Variants in DOCK7 observed in about 807,000 individuals in gnomAD.
DOCK7 encodes dedicator of cytokinesis 7, also known as dedicator of cytokinesis protein 7.
In DOCK7, 138 loss-of-function variants were observed where a neutral mutation model predicts 271.0. The ratio of observed to expected loss-of-function variants is 0.51; its 90% CI spans 0.44 to 0.59. The LOEUF is 0.59. Among genes scored for constraint, DOCK7 ranks in the 20% least tolerant of loss-of-function variants. The probability of loss-of-function intolerance (pLI) is 0.00; values close to 1 mark genes in which losing one functional copy is unlikely to be tolerated. For synonymous variants in DOCK7, 823 were observed against 876.1 expected, an observed-to-expected ratio of 0.94 and a Z score of 1.07; for missense variants, 2,066 against 2,592.4, an observed-to-expected ratio of 0.80 and a Z score of 4.41.
chr1:62,527,421 T>C (rs1302183031), intron 31 of DOCK7, among the ~76,000 whole-genome samples: 2 of 152,118 alleles, frequency 1.3e-5, no homozygotes, highest in African/African-American at 2.4e-5. Flanking sequence ...ACACGTATGT[T>C]TATTGTGGCA....
chr1:62,644,282 A>C (rs1278611733), intron 7 of DOCK7, among the ~76,000 whole-genome samples: 1 of 152,210 alleles, frequency 6.6e-6, no homozygotes, highest in Non-Finnish European at 1.5e-5. Context: ...TAAGCTTATG[A>C]CCTGGAATTC....
intron 14 of DOCK7, among the ~76,000 whole-genome samples, chr1:62,607,249 T>C (rs2149552736): frequency 6.6e-6 from 1 of 152,124 alleles, no homozygotes; most frequent in South Asian, 2.1e-4. Context: ...TGCTATCCCT[T>C]TCTACCCACC....
chr1:62,551,952 A>G (rs1417987759), intron 22 of DOCK7, among the ~76,000 whole-genome samples: 2 of 151,958 alleles, frequency 1.3e-5, no homozygotes, highest in Non-Finnish European at 2.9e-5. Flanking sequence ...AATTATGCTA[A>G]ATGAGTCTTA....
At position 62,673,634 on chromosome 1, in the gene DOCK7, A is replaced by G. The variant is rs148854507; in HGVS notation, c.39-10504T>C. The stretch of plus-strand genomic sequence containing the variant: ...CTTAAATTCCACCCTACTTCATTAT[A>G]AAAATAAACCCAGAGCTGCCTTACC... On this transcript the variant is annotated intron_variant, in intron 1 of 49. Coordinates refer to ENST00000635253, the MANE Select transcript of DOCK7 (RefSeq NM_001367561.1). 5.3e-3 allele frequency among the ~76,000 whole-genome samples: 809 copies of G among 152,316 alleles called. 11 individuals are homozygous for G. Among genetic ancestry groups the G allele is most frequent in the African/African-American group, 0.018 (763 of 41,564 alleles).
At chr1:62,551,838 A>G (rs1273370119) in intron 22 of DOCK7, among the ~76,000 whole-genome samples, 1 of 151,330 alleles carries the variant, frequency 6.6e-6, no homozygotes, top group East Asian at 1.9e-4. Context: ...TGATCCATTT[A>G]AAGTACATCT....
At chr1:62,663,566 A>C (rs1368856041) in intron 1 of DOCK7, among the ~76,000 whole-genome samples, 1 of 152,180 alleles carries the variant, frequency 6.6e-6, no homozygotes, top group African/African-American at 2.4e-5. Flanking sequence ...AAAACTCTAG[A>C]GTGTTTTCAA....
intron 14 of DOCK7, chr1:62,604,067 T>C: frequency 6.2e-7 from 1 of 1,613,260 alleles, no homozygotes; most frequent in Non-Finnish European, 8.5e-7. Flanking sequence ...CAACAAACAT[T>C]ATATTGAATA....
At chr1:62,589,001 C>T (rs1648018810) in intron 14 of DOCK7, among the ~76,000 whole-genome samples, 1 of 152,162 alleles carries the variant, frequency 6.6e-6, no homozygotes, top group South Asian at 2.1e-4. Flanking sequence ...CTTGGCCTCC[C>T]AAAATGCTGG....
chr1:62,595,300 T>C (rs1235374844), intron 14 of DOCK7, among the ~76,000 whole-genome samples: 1 of 152,214 alleles, frequency 6.6e-6, no homozygotes. Context: ...GGCTAATATA[T>C]AATACTGTGT....
intron 16 of DOCK7, among the ~76,000 whole-genome samples, chr1:62,580,522 T>G (rs1268425218): frequency 6.6e-6 from 1 of 152,224 alleles, no homozygotes. Context: ...TGGTATTCAG[T>G]GTTTTAGTTC....
intron 48 of DOCK7, among the ~76,000 whole-genome samples, chr1:62,464,281 G>A (rs968510603): frequency 3.3e-5 from 5 of 151,434 alleles, no homozygotes; most frequent in South Asian, 2.1e-4. Context: ...GGCTGGTCTC[G>A]AACTCCTGAC....
In DOCK7 at chr1:62,457,678, CTT is replaced by C. The variant is rs1313061482; in HGVS notation, c.6238_6239del (p.Lys2080GlufsTer22). ...CCTTTTGATCCGGCCCAATTAAGCT[CTT>C]ATTTTTTCTTAAGGCATCTTCACAC... is the stretch of plus-strand genomic sequence containing the variant. ...KRCEDALRKN[K>X]SLIGPDQKEY... On this transcript the variant is annotated frameshift_variant, in exon 49 of 50. Coordinates refer to ENST00000635253, the MANE Select transcript of DOCK7 (RefSeq NM_001367561.1). LOFTEE classifies it high-confidence loss of function. 6.2e-7 allele frequency: 1 copy of C among 1,613,212 alleles called. No homozygotes were observed. Among genetic ancestry groups the C allele is most frequent in the African/African-American group, 1.3e-5 (1 of 74,784 alleles).
intron 10 of DOCK7, 112 bp from the exon 11 acceptor site, chr1:62,631,517 T>A (rs1654626670): frequency 4.2e-6 from 4 of 963,234 alleles, no homozygotes; most frequent in African/African-American, 1.7e-5. Flanking sequence ...TCAGCAGAGA[T>A]GAGAAAAAAA....
At chr1:62,510,194 T>C (rs1279324357) in intron 34 of DOCK7, among the ~76,000 whole-genome samples, 2 of 152,184 alleles carry the variant, frequency 1.3e-5, no homozygotes, top group Non-Finnish European at 2.9e-5. Context: ...AAGACCTGTA[T>C]TGTTTTGTCT....
At chr1:62,538,194 G>C in intron 27 of DOCK7, 133 bp from the exon 28 acceptor site, 4 of 832,726 alleles carry the variant, frequency 4.8e-6, no homozygotes, top group Non-Finnish European at 7.0e-6. Context: ...TTAAGTAGCA[G>C]TATCACCTTT....
At chr1:62,619,077 C>T (rs902816985) in intron 13 of DOCK7, among the ~76,000 whole-genome samples, 3 of 150,152 alleles carry the variant, frequency 2.0e-5, no homozygotes. Flanking sequence ...CATAAATGCA[C>T]GTAAAATAAT....
intron 2 of DOCK7, among the ~76,000 whole-genome samples, chr1:62,655,063 C>A (rs1013787804): frequency 1.3e-5 from 2 of 152,188 alleles, no homozygotes; most frequent in East Asian, 1.9e-4. Flanking sequence ...TTGTTTTAAG[C>A]CACCCAGTTT....
At position 62,510,696 on chromosome 1, in the gene DOCK7, A is replaced by T. The variant is rs376851895; in HGVS notation, c.4283-23T>A. 6 of 1,573,770 alleles carry T rather than the reference A, an allele frequency of 3.8e-6. No individual in the cohort carries two copies. In the African/African-American group the frequency reaches 8.1e-5, roughly 21 times the overall value. ...TCTCTGTCAAATAAATTTCAAAACC[A>T]ATTTTCAAATGTTATTTCAGTTGGA... On this transcript the variant is annotated intron_variant, in intron 33 of 49. Transcript: ENST00000635253.
At chr1:62,603,843 T>C in intron 14 of DOCK7, 1 of 881,446 alleles carries the variant, frequency 1.1e-6, no homozygotes, top group Non-Finnish European at 1.8e-6. Flanking sequence ...TAAGATACAC[T>C]AAAATGATCA....
Sources: allele counts gnomAD v4.1 joint callset (sites outside exome capture counted in the v4.1 genomes callset), GRCh38; gene constraint gnomAD v4.1.1; transcripts MANE v1.5; gene names NCBI Gene and HGNC (gene_info 2026-07-23, HGNC 2026-07-21).